SPG11: variants seen among roughly 807,000 people sequenced by gnomAD.
SPG11 encodes the protein spatacsin.
A neutral mutation model predicts 274.0 loss-of-function variants in SPG11; 222 were observed. The ratio of observed to expected loss-of-function variants is 0.81; its 90% confidence interval spans 0.73 to 0.91. The LOEUF is 0.91. SPG11 is among the 40% of genes least tolerant of loss of function. The pLI is 0.00. For synonymous variants in SPG11, 1,144 were observed against 1,039.7 expected (o/e 1.10, Z -1.93); for missense variants, 3,114 against 2,872.7 (o/e 1.08, Z -1.92).
intron 7 of SPG11, among the ~76,000 whole-genome samples, chr15:44,639,979 G>A (rs2084392819): frequency 6.6e-6 from 1 of 152,162 alleles, no homozygotes. Context: ...GGGAGGCCGA[G>A]GCAGGCAGAT....
At chr15:44,657,642 A>G (rs1376147432) in intron 3 of SPG11, among the ~76,000 whole-genome samples, 1 of 152,264 alleles carries the variant, frequency 6.6e-6, no homozygotes, top group Non-Finnish European at 1.5e-5. Context: ...ACATGCAGTC[A>G]GTATAAAAAC....
chr15:44,613,419 T>G lies in SPG11; in HGVS notation c.3145+11A>C, dbSNP rs750642025. 49 of 1,562,816 alleles carry G rather than the reference T, an allele frequency of 3.1e-5. No individual in the cohort carries two copies. The highest frequency in any genetic ancestry group is 5.4e-5 in the African/African-American group (4 of 73,896). Reference sequence around the variant, plus strand: ...AAGCAAGTTTCTGTGTTTAATACAGTATACCCATACCTGTTAAGTTACTGG... The same window carrying G: ...AAGCAAGTTTCTGTGTTTAATACAGGATACCCATACCTGTTAAGTTACTGG... On this transcript the variant is annotated intron_variant, in intron 17 of 39. Transcript: ENST00000261866.
chr15:44,598,974 T>C (rs986549653), intron 21 of SPG11, 138 bp from the exon 22 acceptor site: 1 of 858,672 alleles, frequency 1.2e-6, no homozygotes, highest in African/African-American at 1.7e-5. Flanking sequence ...CTTTTGCCCC[T>C]TGCACATACC....
At chr15:44,591,778 G>C (rs2082904513) in intron 27 of SPG11, among the ~76,000 whole-genome samples, 2 of 152,166 alleles carry the variant, frequency 1.3e-5, no homozygotes, top group Non-Finnish European at 2.9e-5. Context: ...TTCCAAACCA[G>C]CCTGGGCAAC....
chr15:44,608,748 G>C (rs2083386179), intron 18 of SPG11, 143 bp from the exon 19 acceptor site: 2 of 745,518 alleles, frequency 2.7e-6, no homozygotes, highest in African/African-American at 3.5e-5. Context: ...GTAGTCATAA[G>C]TTAACAGTTC....
At chr15:44,659,381 T>C (rs1415251689) in intron 2 of SPG11, 78 bp from the exon 3 acceptor site, 10 of 1,288,296 alleles carry the variant, frequency 7.8e-6, no homozygotes, top group Admixed American at 3.8e-5. Context: ...ATAAACCTAA[T>C]ACAAAAAAGT....
At chr15:44,596,479 T>C (rs1042465159) in intron 24 of SPG11, 124 bp from the exon 25 acceptor site, 28 of 1,110,702 alleles carry the variant, frequency 2.5e-5, no homozygotes, top group African/African-American at 3.1e-5. Flanking sequence ...AGAGTGACTA[T>C]TATGTAATTT....
chr15:44,578,190 ATTT>A (rs564990735), intron 30 of SPG11, among the ~76,000 whole-genome samples: 5 of 127,830 alleles, frequency 3.9e-5, no homozygotes, highest in African/African-American at 1.4e-4. Context: ...ACGCGTGGCT[ATTT>A]TTTTTTTTTT....
intron 18 of SPG11, among the ~76,000 whole-genome samples, chr15:44,608,851 A>G (rs1674149194): frequency 6.6e-6 from 1 of 152,192 alleles, no homozygotes; most frequent in Non-Finnish European, 1.5e-5. Flanking sequence ...TAGGAAGTTC[A>G]GCTAGATCAG....
At chr15:44,601,621 A>G (rs1282595473) in intron 20 of SPG11, among the ~76,000 whole-genome samples, 1 of 149,934 alleles carries the variant, frequency 6.7e-6, no homozygotes, top group Non-Finnish European at 1.5e-5. Context: ...GCCATGGCAC[A>G]ATCTCAGCTC....
chr15:44,642,434 TTA>T (rs994359482), intron 7 of SPG11, among the ~76,000 whole-genome samples: 1 of 146,326 alleles, frequency 6.8e-6, no homozygotes, highest in African/African-American at 2.5e-5. Flanking sequence ...AAATATATAA[TTA>T]TATATATACA....
intron 27 of SPG11, chr15:44,590,327 G>C (rs2082872680): frequency 6.6e-6 from 1 of 152,194 alleles, no homozygotes; most frequent in Non-Finnish European, 1.5e-5. Context: ...ATGAATTCAA[G>C]TGGCAGGCTG....
At chr15:44,585,316 G>A (rs186547174) in intron 29 of SPG11, among the ~76,000 whole-genome samples, 159 of 151,812 alleles carry the variant, frequency 1.0e-3, no homozygotes, top group African/African-American at 3.5e-3. Context: ...GAGGCTGGGC[G>A]TGGTGGCTCA....
intron 8 of SPG11, among the ~76,000 whole-genome samples, chr15:44,633,179 G>C (rs1383775071): frequency 1.3e-5 from 2 of 151,246 alleles, no homozygotes; most frequent in Non-Finnish European, 3.0e-5. Context: ...TCTCTACAAA[G>C]AATAGCTGAG....
chr15:44,616,376 A>AT (rs1174464977), intron 15 of SPG11, among the ~76,000 whole-genome samples: 1 of 151,710 alleles, frequency 6.6e-6, no homozygotes, highest in Non-Finnish European at 1.5e-5. Context: ...CAGTTTTTAA[A>AT]TTTTTTGTAG....
chr15:44,663,295 G>T, intron 1 of SPG11, 96 bp downstream of exon 1: 1 of 1,501,206 alleles, frequency 6.7e-7, no homozygotes, highest in South Asian at 1.2e-5. Flanking sequence ...CCACCTCTAT[G>T]GCTGCAGGGA....
rs80338872 is a variant in SPG11 at position 44,633,776 on chromosome 15, C to T, written c.1603-139G>A. On this transcript the variant is annotated intron_variant, in intron 7 of 39. Coordinates refer to ENST00000261866, the MANE Select transcript of SPG11 (RefSeq NM_025137.4). ...AAAGACTGCATGAGTACATGGGCTC[C>T]AGTGAGGATTTTGACAATGACTGAT... 4 of 803,448 alleles carry T rather than the reference C, an allele frequency of 5.0e-6. No homozygotes were observed. In the Admixed American group the frequency reaches 7.0e-5, roughly 14 times the overall value. The allele number at this position is 803,448 out of a possible 1,614,324, so 49.8% of individuals were successfully genotyped here.
intron 3 of SPG11, 22 bp downstream of exon 3, chr15:44,659,057 A>G (rs371120465): frequency 4.3e-6 from 7 of 1,610,038 alleles, no homozygotes; most frequent in Non-Finnish European, 6.0e-6. Context: ...GTATCAATCA[A>G]CACTTCTACC....
At chr15:44,660,061 AAAAAT>A (rs1299891612) in intron 2 of SPG11, among the ~76,000 whole-genome samples, 1 of 152,196 alleles carries the variant, frequency 6.6e-6, no homozygotes, top group Non-Finnish European at 1.5e-5. Flanking sequence ...ACTGTCTCAA[AAAAAT>A]AAAATAAAAT....
Sources: gnomAD v4.1 joint callset for allele counts (sites outside exome capture counted in the v4.1 genomes callset) on GRCh38, gnomAD v4.1.1 for gene constraint, MANE v1.5 for transcripts, NCBI Gene and HGNC (gene_info 2026-07-23, HGNC 2026-07-21) for gene names.